Variants in ATRX observed in about 807,000 individuals in gnomAD.
ATRX encodes chromatin remodeler ATRX.
ATRX carries 12 observed loss-of-function variants against 172.6 expected under a neutral mutation model. That is an observed-to-expected ratio of 0.07 (90% confidence interval 0.04 to 0.11). The LOEUF is 0.11. Ranked by LOEUF, ATRX falls within the 10% of genes least tolerant of loss-of-function variation. The pLI is 1.00. For missense variants in ATRX, 1,368 were observed against 1,767.4 expected (o/e 0.77, Z 4.05); for synonymous variants, 674 against 594.7 (o/e 1.13, Z -1.94).
At chrX:77,768,473 T>A (rs1197169343) in intron 1 of ATRX, among the ~76,000 whole-genome samples, 2 of 112,528 alleles carry the variant, frequency 1.8e-5, no homozygotes, top group African/African-American at 6.5e-5. Context: ...ACTGTCCAGC[T>A]GACTTTTTTA....
At chrX:77,758,695 T>C (rs1190559957) in intron 1 of ATRX, among the ~76,000 whole-genome samples, 1 of 110,168 alleles carries the variant, frequency 9.1e-6, no homozygotes, top group Non-Finnish European at 1.9e-5. Context: ...GAGGCGGAGG[T>C]TGCAGTGAGC....
chrX:77,715,845 C>T (rs2073349538), intron 2 of ATRX, among the ~76,000 whole-genome samples: 1 of 111,388 alleles, frequency 9.0e-6, no homozygotes, highest in African/African-American at 3.3e-5. Context: ...TCTAATTACA[C>T]ATATGGTTGA....
rs183263022 is a variant in ATRX at position 77,731,055 on chromosome X, A to G, written c.21-13812T>C. Among the ~76,000 whole-genome samples the G allele has an allele frequency of 8.2e-5, 9 of 109,879 alleles. No homozygotes were observed. In the Admixed American group the frequency reaches 8.8e-4, roughly 11 times the overall value. ...CAAAATGTTGGTTTTTGTAAAAGTTAAAAGAAAATTTAAAAACCTTTGGCC... is the reference window on the plus strand; with the variant it reads ...CAAAATGTTGGTTTTTGTAAAAGTTGAAAGAAAATTTAAAAACCTTTGGCC... On this transcript the variant is annotated intron_variant, in intron 1 of 34. Coordinates refer to ENST00000373344, the MANE Select transcript of ATRX (RefSeq NM_000489.6).
chrX:77,558,307 T>A (rs2064877119), intron 29 of ATRX, among the ~76,000 whole-genome samples: 1 of 111,037 alleles, frequency 9.0e-6, no homozygotes. Context: ...TACATAAAGT[T>A]GTCAATCAAC....
At chrX:77,663,650 G>A (rs1569536721) in intron 11 of ATRX, 92 bp from the exon 12 acceptor site, 3 of 774,897 alleles carry the variant, frequency 3.9e-6, no homozygotes, top group Non-Finnish European at 3.7e-6. Flanking sequence ...TGCAACTTAT[G>A]AAAAAAATCA....
chrX:77,564,070 C>T (rs2065113299), intron 28 of ATRX, among the ~76,000 whole-genome samples: 1 of 111,523 alleles, frequency 9.0e-6, no homozygotes, highest in South Asian at 3.8e-4. Flanking sequence ...CCCACTCACA[C>T]TGATGAGGGC....
At chrX:77,511,808 C>A (rs1557036685) in intron 34 of ATRX, among the ~76,000 whole-genome samples, 1 of 111,469 alleles carries the variant, frequency 9.0e-6, no homozygotes, top group Non-Finnish European at 1.9e-5. Context: ...AACAATGAAG[C>A]ACATCTACAA....
At chrX:77,743,920 T>C (rs1308942607) in intron 1 of ATRX, among the ~76,000 whole-genome samples, 3 of 112,182 alleles carry the variant, frequency 2.7e-5, no homozygotes, top group African/African-American at 9.7e-5. Flanking sequence ...GACAGGCCTA[T>C]TAGGCATTCC....
chrX:77,704,382 G>C (rs1354806338), intron 2 of ATRX, among the ~76,000 whole-genome samples: 1 of 111,759 alleles, frequency 8.9e-6, no homozygotes, highest in African/African-American at 3.3e-5. Context: ...TCAGAGGGGA[G>C]GATGTGCATG....
At chrX:77,676,909 G>A (rs781968935) in intron 9 of ATRX, among the ~76,000 whole-genome samples, 2 of 111,855 alleles carry the variant, frequency 1.8e-5, no homozygotes, top group Non-Finnish European at 3.8e-5. Flanking sequence ...ATCACCTGAG[G>A]TCAGGAGTTC....
intron 34 of ATRX, among the ~76,000 whole-genome samples, chrX:77,513,249 G>A (rs1350802101): frequency 5.8e-5 from 6 of 103,330 alleles, no homozygotes; most frequent in African/African-American, 1.8e-4. Context: ...CCCGGGAGGC[G>A]GAGCTTGCAG....
intron 31 of ATRX, 88 bp downstream of exon 31, chrX:77,523,164 A>C: frequency 2.8e-6 from 3 of 1,061,266 alleles, no homozygotes; most frequent in Non-Finnish European, 3.9e-6. Context: ...TATTATTATT[A>C]CCTGTTTCAA....
At chrX:77,732,306 CGGCAGGCTGAGTAAACAT>C (rs2074331866) in intron 1 of ATRX, among the ~76,000 whole-genome samples, 1 of 111,874 alleles carries the variant, frequency 8.9e-6, no homozygotes. Context: ...GGGTTGAGCA[CGGCAGGCTGAGTAAACAT>C]TCGCCCCTGT....
intron 1 of ATRX, among the ~76,000 whole-genome samples, chrX:77,753,576 C>A (rs1016779103): frequency 8.1e-4 from 90 of 111,411 alleles, no homozygotes; most frequent in African/African-American, 2.8e-3. Context: ...TTAGATCTTT[C>A]CTGCTTTCTG....
intron 2 of ATRX, among the ~76,000 whole-genome samples, chrX:77,707,483 G>A (rs1603256789): frequency 8.9e-6 from 1 of 112,263 alleles, no homozygotes; most frequent in Non-Finnish European, 1.9e-5. Context: ...GGTGGCTCAC[G>A]CCTGTAATCC....
chrX:77,769,235 A>T (rs1220506359), intron 1 of ATRX, among the ~76,000 whole-genome samples: 1 of 109,795 alleles, frequency 9.1e-6, no homozygotes, highest in African/African-American at 3.3e-5. Context: ...GCAGCAAATT[A>T]TGTCATACAC....
chrX:77,533,325 C>T (rs781785769), intron 30 of ATRX, among the ~76,000 whole-genome samples: 44 of 112,001 alleles, frequency 3.9e-4, no homozygotes, highest in African/African-American at 1.3e-3. Context: ...TACATGCATG[C>T]GTATGTTCAC....
At chrX:77,752,744 G>A (rs1404287451) in intron 1 of ATRX, among the ~76,000 whole-genome samples, 2 of 112,005 alleles carry the variant, frequency 1.8e-5, no homozygotes, top group African/African-American at 6.5e-5. Flanking sequence ...CTTGTCACTG[G>A]TTCCGTTTAT....
chrX:77,513,202 A>G (rs2147686765), intron 34 of ATRX, among the ~76,000 whole-genome samples: 1 of 106,700 alleles, frequency 9.4e-6, no homozygotes, highest in South Asian at 4.4e-4. Flanking sequence ...CTGTAGTCCC[A>G]GCTACTCAGG....
Sources: gnomAD v4.1 joint callset for allele counts (sites outside exome capture counted in the v4.1 genomes callset) on GRCh38, gnomAD v4.1.1 for gene constraint, MANE v1.5 for transcripts, NCBI Gene and HGNC (gene_info 2026-07-23, HGNC 2026-07-21) for gene names.